The following CHRM3 variants were observed in gnomAD, a reference collection of about 807,000 sequenced individuals.
The protein encoded by CHRM3 is muscarinic acetylcholine receptor M3.
In CHRM3, 11 loss-of-function variants were observed where a neutral mutation model predicts 41.8. That is an observed-to-expected ratio of 0.26 (90% CI 0.17 to 0.44). CHRM3 has a LOEUF of 0.44. CHRM3 is among the 20% of genes least tolerant of loss of function. The pLI is 1.00. For synonymous variants in CHRM3, 297 were observed against 301.4 expected, an observed-to-expected ratio of 0.99 and a Z score of 0.15; for missense variants, 571 against 745.4, an observed-to-expected ratio of 0.77 and a Z score of 2.72.
In CHRM3 at chr1:239,757,978, G is replaced by A. The variant is rs1281600626; in HGVS notation, c.-146-69274G>A. ...AGTCAATTGGAAACACCCTATGTGTGGTTATTTCATATAATTAAGTAATTC... is the reference window on the plus strand; with the variant it reads ...AGTCAATTGGAAACACCCTATGTGTAGTTATTTCATATAATTAAGTAATTC... On this transcript the variant is annotated intron_variant, in intron 5 of 6. Coordinates refer to ENST00000676153, the MANE Select transcript of CHRM3 (RefSeq NM_001375978.1). Among the ~76,000 whole-genome samples, 4 of 152,094 alleles carry A rather than the reference G, an allele frequency of 2.6e-5. No homozygotes were observed. In the East Asian group the frequency reaches 7.7e-4, roughly 29 times the overall value.
chr1:239,512,891 G>A (rs1045890998), intron 2 of CHRM3, among the ~76,000 whole-genome samples: 1 of 152,064 alleles, frequency 6.6e-6, no homozygotes, highest in African/African-American at 2.4e-5. Flanking sequence ...TGGGTTTTGG[G>A]CCTGCTTGGT....
At chr1:239,575,555 T>C (rs1262411672) in intron 3 of CHRM3, among the ~76,000 whole-genome samples, 1 of 152,120 alleles carries the variant, frequency 6.6e-6, no homozygotes, top group African/African-American at 2.4e-5. Context: ...GAGCCAGTTT[T>C]TTTGGGTTCT....
chr1:239,496,913 C>G (rs1366213988), intron 2 of CHRM3, among the ~76,000 whole-genome samples: 1 of 152,006 alleles, frequency 6.6e-6, no homozygotes, highest in Non-Finnish European at 1.5e-5. Context: ...TACACAGACG[C>G]TAAACTAGAC....
At chr1:239,425,576 C>T (rs1328335986) in intron 1 of CHRM3, among the ~76,000 whole-genome samples, 2 of 152,140 alleles carry the variant, frequency 1.3e-5, no homozygotes, top group Non-Finnish European at 2.9e-5. Flanking sequence ...GGTGTTAAAT[C>T]AACAACTTCC....
intron 6 of CHRM3, among the ~76,000 whole-genome samples, chr1:239,875,199 G>A (rs1488180160): frequency 6.6e-6 from 1 of 152,158 alleles, no homozygotes; most frequent in Non-Finnish European, 1.5e-5. Context: ...CATGAATTCT[G>A]TCCTTCAGGA....
chr1:239,418,973 A>C (rs1661719271), intron 1 of CHRM3, among the ~76,000 whole-genome samples: 1 of 152,154 alleles, frequency 6.6e-6, no homozygotes, highest in Non-Finnish European at 1.5e-5. Context: ...TGTCATTTGA[A>C]ATAGACATTT....
chr1:239,580,816 C>A, intron 3 of CHRM3, among the ~76,000 whole-genome samples: 1 of 148,240 alleles, frequency 6.7e-6, no homozygotes, highest in South Asian at 2.1e-4. Context: ...AATTATGAAG[C>A]CTTGTGTGAT....
At chr1:239,859,825 A>ATATATATATATG (rs1553286852) in intron 6 of CHRM3, among the ~76,000 whole-genome samples, 6 of 38,440 alleles carry the variant, frequency 1.6e-4, no homozygotes, top group African/African-American at 2.7e-4. Context: ...TGTTTTATAT[A>ATATATATATATG]TATATATATA....
chr1:239,530,270 C>T (rs1180055644), intron 2 of CHRM3, among the ~76,000 whole-genome samples: 2 of 152,092 alleles, frequency 1.3e-5, no homozygotes, highest in Non-Finnish European at 2.9e-5. Context: ...ATTAATTGCA[C>T]CATTGAGTCA....
chr1:239,711,693 T>C (rs1004343040), intron 5 of CHRM3, among the ~76,000 whole-genome samples: 2 of 122,078 alleles, frequency 1.6e-5, no homozygotes. Flanking sequence ...CTCTCTCTGC[T>C]TTTTTTTTTT....
At chr1:239,783,688 T>C (rs975369382) in intron 5 of CHRM3, among the ~76,000 whole-genome samples, 1 of 152,200 alleles carries the variant, frequency 6.6e-6, no homozygotes, top group Non-Finnish European at 1.5e-5. Context: ...AATTGCAAGA[T>C]AAGATAGATT....
At chr1:239,739,146 G>A (rs955356507) in intron 5 of CHRM3, among the ~76,000 whole-genome samples, 2 of 152,128 alleles carry the variant, frequency 1.3e-5, no homozygotes, top group African/African-American at 4.8e-5. Flanking sequence ...GCCCAGTTGG[G>A]CTTTTCAATA....
At chr1:239,543,524 T>G (rs960953542) in intron 2 of CHRM3, among the ~76,000 whole-genome samples, 12 of 151,930 alleles carry the variant, frequency 7.9e-5, no homozygotes, top group South Asian at 4.2e-4. Flanking sequence ...TTTTTTTTTT[T>G]TGTGATGGAG....
At chr1:239,615,218 A>G (rs1042848764) in intron 3 of CHRM3, among the ~76,000 whole-genome samples, 1 of 152,192 alleles carries the variant, frequency 6.6e-6, no homozygotes, top group Non-Finnish European at 1.5e-5. Context: ...CACTTTATGT[A>G]TGCTACTTTA....
At chr1:239,891,692 G>A (rs992047040) in intron 6 of CHRM3, among the ~76,000 whole-genome samples, 2 of 152,188 alleles carry the variant, frequency 1.3e-5, no homozygotes, top group Non-Finnish European at 2.9e-5. Flanking sequence ...AGCATGACCC[G>A]AAGGTTGAGT....
chr1:239,467,045 G>T (rs1665779844), intron 1 of CHRM3, among the ~76,000 whole-genome samples: 2 of 151,922 alleles, frequency 1.3e-5, no homozygotes, highest in Admixed American at 1.3e-4. Flanking sequence ...GAAATATTTT[G>T]CTGTCCGCTT....
rs550349373 is a variant in CHRM3, at chr1:239,584,067, A to G, written c.-313+38318A>G. On this transcript the variant is annotated intron_variant, in intron 3 of 6. Coordinates refer to ENST00000676153, the MANE Select transcript of CHRM3 (RefSeq NM_001375978.1). ...CACCACAAAATCAGAACATGGTTGT[A>G]TTTTTCTCATGTTGGATTCGAATTA... Among the ~76,000 whole-genome samples the G allele has an allele frequency of 5.4e-5, 7 of 129,022 alleles. No individual in the cohort carries two copies. In the South Asian group the frequency reaches 1.5e-3, roughly 28 times the overall value. The allele number at this position is 129,022 out of a possible 152,430, so 84.6% of individuals were successfully genotyped here.
intron 5 of CHRM3, chr1:239,706,342 A>G (rs902313374): frequency 6.6e-6 from 1 of 152,110 alleles, no homozygotes; most frequent in Non-Finnish European, 1.5e-5. Flanking sequence ...CAAGAGATGG[A>G]AAGATTCCTG....
chr1:239,567,182 T>G (rs1661431321), intron 3 of CHRM3, among the ~76,000 whole-genome samples: 1 of 151,884 alleles, frequency 6.6e-6, no homozygotes, highest in Non-Finnish European at 1.5e-5. Context: ...AGAACCTCAT[T>G]AAAACTGGTA....
Sources: allele counts gnomAD v4.1 joint callset (sites outside exome capture counted in the v4.1 genomes callset), GRCh38; gene constraint gnomAD v4.1.1; transcripts MANE v1.5; gene names NCBI Gene and HGNC (gene_info 2026-07-23, HGNC 2026-07-21).